Variants in SGCZ observed in about 807,000 individuals in gnomAD.
SGCZ encodes the protein sarcoglycan zeta, also known as zeta-sarcoglycan.
A neutral mutation model predicts 41.3 loss-of-function variants in SGCZ; 40 were observed. The ratio of observed to expected loss-of-function variants is 0.97; its 90% CI spans 0.75 to 1.26. SGCZ has a LOEUF of 1.26. SGCZ is among the 50% of genes most tolerant of loss of function. The probability of loss-of-function intolerance (pLI) is 0.00; values close to 1 mark genes in which losing one functional copy is unlikely to be tolerated. For synonymous variants in SGCZ, 206 were observed against 137.5 expected (o/e 1.50, Z -3.49); for missense variants, 552 against 369.8 (o/e 1.49, Z -4.04).
At chr8:14,661,647 G>A (rs533197770) in intron 1 of SGCZ, among the ~76,000 whole-genome samples, 36 of 152,014 alleles carry the variant, frequency 2.4e-4, no homozygotes, top group Non-Finnish European at 4.1e-4. Flanking sequence ...AAGGACAGTG[G>A]GAATTCAGAG....
At chr8:14,995,961 T>C (rs1416408971) in intron 1 of SGCZ, among the ~76,000 whole-genome samples, 3 of 152,068 alleles carry the variant, frequency 2.0e-5, no homozygotes, top group Non-Finnish European at 2.9e-5. Flanking sequence ...TGGAGTGCAG[T>C]GGTGTGATCT....
At chr8:14,364,666 T>A (rs771334914) in intron 2 of SGCZ, among the ~76,000 whole-genome samples, 1 of 152,166 alleles carries the variant, frequency 6.6e-6, no homozygotes, top group East Asian at 1.9e-4. Context: ...CTTATATAAA[T>A]TCCCTTTTTG....
chr8:14,953,548 C>T (rs749966838), intron 1 of SGCZ, among the ~76,000 whole-genome samples: 1 of 152,138 alleles, frequency 6.6e-6, no homozygotes, highest in Non-Finnish European at 1.5e-5. Context: ...TTAGCACTGC[C>T]GTAGCCATGG....
chr8:14,751,193 C>T (rs972018), intron 1 of SGCZ, among the ~76,000 whole-genome samples: 50,902 of 151,848 alleles, frequency 0.34, 8,881 homozygotes, highest in Non-Finnish European at 0.4. Flanking sequence ...GAATATAGTT[C>T]GTAAGCACAT....
chr8:14,178,318 G>T (rs992107569), intron 4 of SGCZ, among the ~76,000 whole-genome samples: 3 of 152,116 alleles, frequency 2.0e-5, no homozygotes, highest in African/African-American at 7.2e-5. Flanking sequence ...ACCATTTGAA[G>T]CTAAAGGAAA....
At chr8:15,101,888 G>A (rs1156402743) in intron 1 of SGCZ, among the ~76,000 whole-genome samples, 1 of 152,144 alleles carries the variant, frequency 6.6e-6, no homozygotes, top group East Asian at 1.9e-4. Context: ...TTGTGACACT[G>A]CACTCCAGCC....
At chr8:14,600,451 G>A (rs1375610559) in intron 1 of SGCZ, among the ~76,000 whole-genome samples, 1 of 152,096 alleles carries the variant, frequency 6.6e-6, no homozygotes, top group African/African-American at 2.4e-5. Context: ...TACACAGAGG[G>A]GAGAGGACTG....
At chr8:14,703,258 G>C (rs556848058) in intron 1 of SGCZ, among the ~76,000 whole-genome samples, 1 of 151,734 alleles carries the variant, frequency 6.6e-6, no homozygotes, top group African/African-American at 2.4e-5. Flanking sequence ...ATCTCTTACC[G>C]TCAACCCCTT....
chr8:15,059,592 C>A (rs1804840821), intron 1 of SGCZ, among the ~76,000 whole-genome samples: 1 of 152,156 alleles, frequency 6.6e-6, no homozygotes, highest in African/African-American at 2.4e-5. Flanking sequence ...GAAATCATTA[C>A]TTGAAATTGA....
chr8:14,923,828 A>C (rs1799664257), intron 1 of SGCZ, among the ~76,000 whole-genome samples: 1 of 152,212 alleles, frequency 6.6e-6, no homozygotes, highest in African/African-American at 2.4e-5. Context: ...CACAACTAAA[A>C]TGAAATTACA....
intron 1 of SGCZ, among the ~76,000 whole-genome samples, chr8:15,017,844 A>G (rs542839528): frequency 3.3e-5 from 5 of 152,102 alleles, no homozygotes; most frequent in Admixed American, 6.5e-5. Flanking sequence ...GGCTCCACTA[A>G]CATATTCAGA....
At chr8:14,693,582 CTTTTTTT>C in intron 1 of SGCZ, among the ~76,000 whole-genome samples, 1 of 61,554 alleles carries the variant, frequency 1.6e-5, no homozygotes, top group Non-Finnish European at 2.8e-5. Context: ...CCACGACTGG[CTTTTTTT>C]TTTTTTTTTT....
chr8:14,264,439 C>T (rs1410174340), intron 3 of SGCZ, among the ~76,000 whole-genome samples: 1 of 152,066 alleles, frequency 6.6e-6, no homozygotes, highest in African/African-American at 2.4e-5. Context: ...AATCCATGGA[C>T]CCACATGCCA....
intron 1 of SGCZ, among the ~76,000 whole-genome samples, chr8:14,862,225 C>T (rs1803774262): frequency 1.3e-5 from 2 of 151,916 alleles, no homozygotes; most frequent in Non-Finnish European, 2.9e-5. Context: ...AAATTGGAAA[C>T]CAAGGCTCTG....
chr8:14,482,055 G>T (rs1164564673), intron 2 of SGCZ, among the ~76,000 whole-genome samples: 1 of 152,122 alleles, frequency 6.6e-6, no homozygotes, highest in African/African-American at 2.4e-5. Flanking sequence ...ATTGCAGGAG[G>T]ACTAAGCGAG....
intron 1 of SGCZ, among the ~76,000 whole-genome samples, chr8:14,618,361 G>A (rs886412934): frequency 6.6e-6 from 1 of 152,112 alleles, no homozygotes; most frequent in Non-Finnish European, 1.5e-5. Flanking sequence ...AGAAAGAACG[G>A]AATTAGAACT....
At chr8:14,339,683 G>T (rs1802634851) in intron 2 of SGCZ, among the ~76,000 whole-genome samples, 1 of 152,118 alleles carries the variant, frequency 6.6e-6, no homozygotes, top group Admixed American at 6.6e-5. Context: ...TATAGTGCAT[G>T]AACACCACAC....
At chr8:14,298,360 A>G (rs907541459) in intron 3 of SGCZ, among the ~76,000 whole-genome samples, 1 of 151,976 alleles carries the variant, frequency 6.6e-6, no homozygotes, top group Non-Finnish European at 1.5e-5. Flanking sequence ...ACCCAGCATG[A>G]CTAAAGAAGA....
chr8:15,063,778 G>C (rs1805024944), intron 1 of SGCZ, among the ~76,000 whole-genome samples: 1 of 152,158 alleles, frequency 6.6e-6, no homozygotes, highest in African/African-American at 2.4e-5. Flanking sequence ...GAAGTCATGG[G>C]ATAGTTCTAC....
Sources: gnomAD v4.1 joint callset for allele counts (sites outside exome capture counted in the v4.1 genomes callset) on GRCh38, gnomAD v4.1.1 for gene constraint, MANE v1.5 for transcripts, NCBI Gene and HGNC (gene_info 2026-07-23, HGNC 2026-07-21) for gene names.